Variants in KCNH8 observed in about 807,000 individuals in gnomAD.
The protein encoded by KCNH8 is voltage-gated delayed rectifier potassium channel KCNH8.
In KCNH8, 70 loss-of-function variants were observed where a neutral mutation model predicts 103.6. That is an observed-to-expected ratio of 0.68 (90% CI 0.56 to 0.82). KCNH8 has a LOEUF of 0.82. Among genes scored for constraint, KCNH8 ranks in the 40% least tolerant of loss-of-function variants. The probability of loss-of-function intolerance (pLI) is 0.00; values close to 1 mark genes in which losing one functional copy is unlikely to be tolerated. For missense variants in KCNH8, 1,217 were observed against 1,329.9 expected, an observed-to-expected ratio of 0.92 and a Z score of 1.32; for synonymous variants, 498 against 489.4, an observed-to-expected ratio of 1.02 and a Z score of -0.23.
At chr3:19,201,932 A>G (rs1166835041) in intron 1 of KCNH8, among the ~76,000 whole-genome samples, 1 of 152,200 alleles carries the variant, frequency 6.6e-6, no homozygotes, top group Non-Finnish European at 1.5e-5. Context: ...TCTGAAAACA[A>G]TGTACTAATT....
intron 1 of KCNH8, among the ~76,000 whole-genome samples, chr3:19,210,250 C>G (rs1307302984): frequency 6.6e-6 from 1 of 152,078 alleles, no homozygotes; most frequent in African/African-American, 2.4e-5. Flanking sequence ...GATGGACCAG[C>G]AGCACAAGGC....
intron 15 of KCNH8, 24 bp downstream of exon 15, chr3:19,518,098 T>C (rs2068906624): frequency 1.3e-6 from 2 of 1,570,766 alleles, no homozygotes; most frequent in Non-Finnish European, 1.8e-6. Context: ...TCTTTGGTCA[T>C]GCCTAAATGG....
intron 2 of KCNH8, among the ~76,000 whole-genome samples, chr3:19,265,052 C>G (rs2064489027): frequency 6.6e-6 from 1 of 152,062 alleles, no homozygotes; most frequent in Non-Finnish European, 1.5e-5. Flanking sequence ...ATACATACCC[C>G]TTGGGGTGAG....
At chr3:19,224,265 A>G (rs2063905552) in intron 1 of KCNH8, among the ~76,000 whole-genome samples, 1 of 152,190 alleles carries the variant, frequency 6.6e-6, no homozygotes. Context: ...TATATGTTCC[A>G]ACTTAGAAAA....
intron 7 of KCNH8, among the ~76,000 whole-genome samples, chr3:19,418,061 C>A (rs1421068331): frequency 1.3e-5 from 2 of 152,158 alleles, no homozygotes; most frequent in African/African-American, 4.8e-5. Context: ...TTCAGAAAGA[C>A]ACAGAAATAA....
chr3:19,479,830 T>C (rs140402568), intron 11 of KCNH8, among the ~76,000 whole-genome samples: 16 of 152,330 alleles, frequency 1.1e-4, no homozygotes, highest in African/African-American at 3.8e-4. Context: ...ATACTGGTTA[T>C]GTTGCTGTCC....
At chr3:19,485,143 T>C (rs1250340214) in intron 11 of KCNH8, among the ~76,000 whole-genome samples, 1 of 152,156 alleles carries the variant, frequency 6.6e-6, no homozygotes, top group African/African-American at 2.4e-5. Flanking sequence ...ACCAAGTCGC[T>C]CACAAACCTG....
intron 3 of KCNH8, among the ~76,000 whole-genome samples, chr3:19,291,338 G>A (rs2064922273): frequency 6.6e-6 from 1 of 151,882 alleles, no homozygotes; most frequent in Admixed American, 6.6e-5. Context: ...GTGATGTTAG[G>A]GTGTCAATTT....
At chr3:19,185,450 CAT>C (rs2063492840) in intron 1 of KCNH8, among the ~76,000 whole-genome samples, 1 of 151,734 alleles carries the variant, frequency 6.6e-6, no homozygotes, top group Non-Finnish European at 1.5e-5. Flanking sequence ...AGTCTTTTGC[CAT>C]ATTTTAAACT....
At chr3:19,289,829 C>A (rs909804855) in intron 3 of KCNH8, among the ~76,000 whole-genome samples, 1 of 152,168 alleles carries the variant, frequency 6.6e-6, no homozygotes, top group African/African-American at 2.4e-5. Context: ...CTATAAATTA[C>A]CTTGGGCAGT....
chr3:19,346,765 C>T, intron 4 of KCNH8: 1 of 443,844 alleles, frequency 2.3e-6, no homozygotes, highest in Non-Finnish European at 4.5e-6. Flanking sequence ...TATAACTGCT[C>T]TGTTAATTCA....
At chr3:19,310,788 A>G (rs934302921) in intron 3 of KCNH8, among the ~76,000 whole-genome samples, 1 of 151,912 alleles carries the variant, frequency 6.6e-6, no homozygotes, top group African/African-American at 2.4e-5. Context: ...TGAATTAAAT[A>G]AAACAGGAGA....
At chr3:19,472,195 CGTGTGTGTGTGTGTGTGTGTGTGT>C (rs57766729) in intron 11 of KCNH8, among the ~76,000 whole-genome samples, 199 of 137,486 alleles carry the variant, frequency 1.4e-3, no homozygotes, top group African/African-American at 4.1e-3. Context: ...TCACTTCATT[CGTGTGTGTGTGTGTGTGTGTGTGT>C]GTGTGTGTGT....
chr3:19,309,685 A>G (rs1157245817), intron 3 of KCNH8, among the ~76,000 whole-genome samples: 1 of 151,944 alleles, frequency 6.6e-6, no homozygotes, highest in Admixed American at 6.6e-5. Flanking sequence ...GAAATGAAGG[A>G]AAGAATTTTC....
chr3:19,400,911 A>G (rs1172308349), intron 7 of KCNH8, among the ~76,000 whole-genome samples: 1 of 151,978 alleles, frequency 6.6e-6, no homozygotes, highest in East Asian at 1.9e-4. Flanking sequence ...CTACTTTTTC[A>G]GGGTTTACAT....
intron 1 of KCNH8, among the ~76,000 whole-genome samples, chr3:19,232,973 C>T (rs2064013806): frequency 6.6e-6 from 1 of 151,950 alleles, no homozygotes; most frequent in African/African-American, 2.4e-5. Context: ...TAAATAAGTC[C>T]CCTATTAGTA....
chr3:19,488,598 T>C (rs140664552), intron 11 of KCNH8, among the ~76,000 whole-genome samples: 1 of 152,322 alleles, frequency 6.6e-6, no homozygotes, highest in East Asian at 1.9e-4. Context: ...CTCTCCCCTT[T>C]TTCTTGGATG....
Position 19,267,728 on chromosome 3 carries a change from T to C in KCNH8, c.311-13470T>C, listed in dbSNP as rs529871778. ...AGAATCGGATAAAGAAAGTAAGCTATAGAAAATATGAAGAAACACATAAAT... is the reference window on the plus strand; with the variant it reads ...AGAATCGGATAAAGAAAGTAAGCTACAGAAAATATGAAGAAACACATAAAT... On this transcript the variant is annotated intron_variant, in intron 2 of 15. Coordinates refer to ENST00000328405, the MANE Select transcript of KCNH8 (RefSeq NM_144633.3). Among the ~76,000 whole-genome samples the C allele has an allele frequency of 3.9e-4, 59 of 152,210 alleles. 1 individual carries two copies. The South Asian group carries it at 5.0e-3, about 13-fold the overall frequency.
At chr3:19,274,122 A>T (rs562792229) in intron 2 of KCNH8, among the ~76,000 whole-genome samples, 1 of 152,294 alleles carries the variant, frequency 6.6e-6, no homozygotes, top group East Asian at 1.9e-4. Flanking sequence ...CATTAATAGT[A>T]AGGCAAAATT....
Sources: allele counts gnomAD v4.1 joint callset (sites outside exome capture counted in the v4.1 genomes callset), GRCh38; gene constraint gnomAD v4.1.1; transcripts MANE v1.5; gene names NCBI Gene and HGNC (gene_info 2026-07-23, HGNC 2026-07-21).